Variants in NCALD observed in about 807,000 individuals in gnomAD.
NCALD encodes neurocalcin-delta.
In NCALD, 10 loss-of-function variants were observed where a neutral mutation model predicts 18.6. The observed-to-expected ratio is 0.54, with a 90% CI of 0.33 to 0.91. The LOEUF is 0.91. NCALD is among the 40% of genes least tolerant of loss of function. The probability of loss-of-function intolerance (pLI) is 0.03; values close to 1 mark genes in which losing one functional copy is unlikely to be tolerated. For missense variants in NCALD, 184 were observed against 247.6 expected (o/e 0.74, Z 1.72); for synonymous variants, 88 against 87.4 (o/e 1.01, Z -0.04).
At chr8:101,859,481 C>A (rs185988782) in intron 4 of NCALD, among the ~76,000 whole-genome samples, 1 of 152,094 alleles carries the variant, frequency 6.6e-6, no homozygotes, top group Non-Finnish European at 1.5e-5. Context: ...CTCTAGAGAA[C>A]CCTGACTAAT....
At chr8:101,885,402 G>A (rs918395587) in intron 4 of NCALD, among the ~76,000 whole-genome samples, 1 of 152,202 alleles carries the variant, frequency 6.6e-6, no homozygotes, top group African/African-American at 2.4e-5. Context: ...TATTTGCTAA[G>A]TCAGGCCATT....
intron 1 of NCALD, among the ~76,000 whole-genome samples, chr8:101,738,665 T>G (rs1187265967): frequency 6.6e-6 from 1 of 151,578 alleles, no homozygotes; most frequent in Non-Finnish European, 1.5e-5. Flanking sequence ...GGAGACATGA[T>G]AAGGCACAAT....
intron 2 of NCALD, among the ~76,000 whole-genome samples, chr8:101,952,011 A>C (rs1338706173): frequency 6.6e-6 from 1 of 152,190 alleles, no homozygotes; most frequent in Non-Finnish European, 1.5e-5. Context: ...TATTTCTCTG[A>C]TTACTTTTTT....
chr8:102,109,976 C>T (rs1335428539), intron 1 of NCALD, among the ~76,000 whole-genome samples: 68 of 152,162 alleles, frequency 4.5e-4, no homozygotes, highest in African/African-American at 9.6e-5. Context: ...CTTAACCCTA[C>T]GTCCCAAACA....
chr8:101,973,662 G>T (rs188172467), intron 2 of NCALD, among the ~76,000 whole-genome samples: 11 of 152,108 alleles, frequency 7.2e-5, no homozygotes, highest in African/African-American at 2.4e-4. Context: ...GAAAACAGAG[G>T]GGAAGAGCCA....
chr8:101,937,320 T>G (rs981267543), intron 2 of NCALD, among the ~76,000 whole-genome samples: 1 of 152,200 alleles, frequency 6.6e-6, no homozygotes, highest in Non-Finnish European at 1.5e-5. Flanking sequence ...TAGTTATTTT[T>G]TCTGCTCCTC....
chr8:101,905,087 T>C (rs1444135546), intron 3 of NCALD, among the ~76,000 whole-genome samples: 1 of 152,246 alleles, frequency 6.6e-6, no homozygotes, highest in Non-Finnish European at 1.5e-5. Flanking sequence ...TCTTTGTTGA[T>C]CTGAAATTCA....
rs193063901 is a variant in NCALD, at chr8:101,880,164, G to A, written c.-20+6977C>T. On this transcript the variant is annotated intron_variant, in intron 4 of 6. Transcript: ENST00000311028. ...CCCTGCTGGGAGGTAGCTGAGGCCCGGCGAGAATTCGAGAGCAGCGCTGGT... is the reference window on the plus strand; with the variant it reads ...CCCTGCTGGGAGGTAGCTGAGGCCCAGCGAGAATTCGAGAGCAGCGCTGGT... Among the ~76,000 whole-genome samples the A allele has an allele frequency of 6.8e-3, 1,031 of 152,306 alleles. 14 individuals are homozygous for A. The highest frequency in any genetic ancestry group is 0.022 in the African/African-American group (927 of 41,564).
chr8:101,705,982 T>C (rs898675044), intron 2 of NCALD, among the ~76,000 whole-genome samples: 1 of 152,204 alleles, frequency 6.6e-6, no homozygotes. Flanking sequence ...GTTATAATAA[T>C]ATAGATTAGA....
intron 3 of NCALD, among the ~76,000 whole-genome samples, chr8:101,902,359 C>T (rs1000187488): frequency 3.3e-5 from 5 of 150,988 alleles, no homozygotes; most frequent in East Asian, 1.9e-4. Context: ...GAAGCCAATA[C>T]GTTTTTTGAA....
At chr8:101,739,901 G>A (rs988978401) in intron 1 of NCALD, among the ~76,000 whole-genome samples, 1 of 152,120 alleles carries the variant, frequency 6.6e-6, no homozygotes, top group Admixed American at 6.5e-5. Flanking sequence ...TATCCTATTC[G>A]TTCTGTCTCT....
intron 4 of NCALD, among the ~76,000 whole-genome samples, chr8:101,839,310 T>C (rs750067804): frequency 6.6e-6 from 1 of 151,888 alleles, no homozygotes; most frequent in Non-Finnish European, 1.5e-5. Context: ...AAAAGCTGTA[T>C]GTCCTGTTCA....
At chr8:101,940,871 G>A (rs1250335574) in intron 2 of NCALD, among the ~76,000 whole-genome samples, 1 of 152,154 alleles carries the variant, frequency 6.6e-6, no homozygotes, top group Non-Finnish European at 1.5e-5. Flanking sequence ...CATTTAGATG[G>A]CTCCACAGGC....
chr8:101,828,592 C>T (rs1276778197), intron 4 of NCALD, among the ~76,000 whole-genome samples: 1 of 149,746 alleles, frequency 6.7e-6, no homozygotes, highest in East Asian at 2.0e-4. Context: ...TTTATCACCA[C>T]AAACTTATAT....
At chr8:101,760,922 T>G (rs1436168390) in intron 1 of NCALD, among the ~76,000 whole-genome samples, 2 of 150,432 alleles carry the variant, frequency 1.3e-5, no homozygotes, top group South Asian at 4.2e-4. Flanking sequence ...GTTAGTAGAG[T>G]GCAAATGGGT....
intron 3 of NCALD, chr8:101,691,381 C>G: frequency 1.0e-6 from 1 of 985,364 alleles, no homozygotes; most frequent in Non-Finnish European, 1.2e-6. Context: ...GCTCTGCAAT[C>G]CCATAGCAGC....
At chr8:101,840,792 C>T (rs539007700) in intron 4 of NCALD, among the ~76,000 whole-genome samples, 9 of 152,190 alleles carry the variant, frequency 5.9e-5, no homozygotes, top group African/African-American at 9.6e-5. Context: ...TTATTTGAAG[C>T]GCAAAGACAT....
Position 102,104,077 on chromosome 8 carries a change from T to C in NCALD, c.-210+20160A>G, listed in dbSNP as rs577324820. Reference sequence around the variant, plus strand: ...CTGCTACTGAACATCTGAGGTCGCGTAGCCTCAAACTATATCCGCACGCGT... The same window carrying C: ...CTGCTACTGAACATCTGAGGTCGCGCAGCCTCAAACTATATCCGCACGCGT... On this transcript the variant is annotated intron_variant, in intron 1 of 6. Coordinates refer to the NCALD transcript ENST00000311028. 3.9e-5 allele frequency among the ~76,000 whole-genome samples: 6 copies of C among 152,342 alleles called. No homozygotes were observed. In the South Asian group the frequency reaches 1.2e-3, roughly 32 times the overall value.
At chr8:101,900,385 G>A (rs1022155844) in intron 3 of NCALD, among the ~76,000 whole-genome samples, 6 of 151,542 alleles carry the variant, frequency 4.0e-5, no homozygotes, top group Non-Finnish European at 4.4e-5. Context: ...CTTGCTTTGG[G>A]TATATTTGGC....
Sources: allele counts gnomAD v4.1 joint callset (sites outside exome capture counted in the v4.1 genomes callset), GRCh38; gene constraint gnomAD v4.1.1; transcripts MANE v1.5; gene names NCBI Gene and HGNC (gene_info 2026-07-23, HGNC 2026-07-21).